The following MAPK10 variants were observed in gnomAD, a reference collection of about 807,000 sequenced individuals.
MAPK10 encodes mitogen-activated protein kinase 10.
Under a neutral mutation model 59.3 loss-of-function variants are expected in MAPK10, and 25 were observed. The ratio of observed to expected loss-of-function variants is 0.42; its 90% CI spans 0.31 to 0.59. MAPK10 has a LOEUF of 0.59. Ranked by LOEUF, MAPK10 falls within the 20% of genes least tolerant of loss-of-function variation. The probability of loss-of-function intolerance (pLI) is 0.15; values close to 1 mark genes in which losing one functional copy is unlikely to be tolerated. For missense variants in MAPK10, 351 were observed against 568.9 expected (o/e 0.62, Z 3.90); for synonymous variants, 190 against 200.5 (o/e 0.95, Z 0.44).
intron 4 of MAPK10, chr4:86,125,785 A>T (rs1444049357): frequency 6.6e-6 from 1 of 152,120 alleles, no homozygotes; most frequent in African/African-American, 2.4e-5. Flanking sequence ...GAAAGAGTTT[A>T]TTGAGTATAT....
intron 1 of MAPK10, among the ~76,000 whole-genome samples, chr4:86,583,838 G>A (rs775692273): frequency 5.9e-5 from 9 of 152,084 alleles, no homozygotes; most frequent in Admixed American, 3.9e-4. Flanking sequence ...TTAAATAAAA[G>A]ATATCTTTTA....
chr4:86,225,950 A>T (rs2090539797), intron 2 of MAPK10, among the ~76,000 whole-genome samples: 1 of 152,242 alleles, frequency 6.6e-6, no homozygotes, highest in Non-Finnish European at 1.5e-5. Flanking sequence ...GCACATTCAT[A>T]TACATTTAGA....
chr4:86,572,038 G>A (rs1251522713), intron 1 of MAPK10, among the ~76,000 whole-genome samples: 2 of 151,860 alleles, frequency 1.3e-5, no homozygotes, highest in Admixed American at 6.6e-5. Flanking sequence ...AGCTTTAAAT[G>A]TATATATGTA....
chr4:86,304,387 CTTTTTTTTTTTTT>C (rs1162506350), intron 2 of MAPK10, among the ~76,000 whole-genome samples: 1 of 112,562 alleles, frequency 8.9e-6, no homozygotes, highest in Non-Finnish European at 1.7e-5. Flanking sequence ...TGGAGTATTT[CTTTTTTTTTTTTT>C]TTTTTTTTTT....
At chr4:86,399,824 TAG>T (rs893013340) in intron 1 of MAPK10, 6 of 152,174 alleles carry the variant, frequency 3.9e-5, no homozygotes, top group Non-Finnish European at 8.8e-5. Context: ...AAGGAGAACA[TAG>T]AGGAGGAAAC....
chr4:86,296,556 T>C (rs2095365466), intron 2 of MAPK10, among the ~76,000 whole-genome samples: 1 of 152,188 alleles, frequency 6.6e-6, no homozygotes, highest in East Asian at 1.9e-4. Flanking sequence ...TAAAAATATG[T>C]ATATAGGAAA....
intron 1 of MAPK10, among the ~76,000 whole-genome samples, chr4:86,554,780 T>C (rs1760126037): frequency 6.6e-6 from 1 of 152,196 alleles, no homozygotes; most frequent in South Asian, 2.1e-4. Flanking sequence ...TTTCCCCTGA[T>C]TTTCCACTAG....
chr4:86,204,870 T>C (rs1306855608), intron 2 of MAPK10, among the ~76,000 whole-genome samples: 1 of 152,038 alleles, frequency 6.6e-6, no homozygotes, highest in African/African-American at 2.4e-5. Context: ...GCTGATCTGA[T>C]ATTGTAGCAC....
chr4:86,338,187 G>A (rs1160008327), intron 2 of MAPK10, among the ~76,000 whole-genome samples: 1 of 152,100 alleles, frequency 6.6e-6, no homozygotes, highest in East Asian at 1.9e-4. Flanking sequence ...CCAGACGCAG[G>A]TTTTTCCCAG....
At chr4:86,546,473 C>A (rs1353477350) in intron 1 of MAPK10, among the ~76,000 whole-genome samples, 1 of 150,340 alleles carries the variant, frequency 6.7e-6, no homozygotes, top group Non-Finnish European at 1.5e-5. Context: ...AGGAGAATTG[C>A]TTGAACCTGG....
At chr4:86,227,656 A>G (rs1406103060) in intron 2 of MAPK10, among the ~76,000 whole-genome samples, 1 of 152,128 alleles carries the variant, frequency 6.6e-6, no homozygotes, top group Non-Finnish European at 1.5e-5. Flanking sequence ...TACTCAAAAT[A>G]ATGGCATTAC....
At chr4:86,498,539 C>G (rs1036049079) in intron 1 of MAPK10, among the ~76,000 whole-genome samples, 1 of 152,152 alleles carries the variant, frequency 6.6e-6, no homozygotes, top group African/African-American at 2.4e-5. Flanking sequence ...CACACAGAAA[C>G]AAAGGAGACT....
chr4:86,220,752 A>G (rs556999170), intron 2 of MAPK10, among the ~76,000 whole-genome samples: 1 of 152,326 alleles, frequency 6.6e-6, no homozygotes, highest in Admixed American at 6.5e-5. Context: ...ATATATTTGT[A>G]TGGCGTTTCT....
At chr4:86,555,562 C>G (rs1217169761) in intron 1 of MAPK10, among the ~76,000 whole-genome samples, 1 of 152,142 alleles carries the variant, frequency 6.6e-6, no homozygotes, top group Non-Finnish European at 1.5e-5. Context: ...TATATCAAGT[C>G]AAGATTCACT....
At chr4:86,190,686 CA>C (rs199819938) in intron 3 of MAPK10, among the ~76,000 whole-genome samples, 2 of 151,766 alleles carry the variant, frequency 1.3e-5, no homozygotes, top group Non-Finnish European at 2.9e-5. Context: ...TTAACCTTTT[CA>C]AAAAAACCAG....
intron 1 of MAPK10, among the ~76,000 whole-genome samples, chr4:86,444,256 C>A (rs1749752533): frequency 6.6e-6 from 1 of 151,828 alleles, no homozygotes; most frequent in South Asian, 2.1e-4. Context: ...GAATAAATGC[C>A]CCAAAACTAC....
At chr4:86,403,650 AG>A (rs2149019448) in intron 1 of MAPK10, among the ~76,000 whole-genome samples, 1 of 152,304 alleles carries the variant, frequency 6.6e-6, no homozygotes, top group African/African-American at 2.4e-5. Context: ...CAGAAGACAA[AG>A]GGGGAGCAAG....
chr4:86,245,014 CTT>C, intron 2 of MAPK10, among the ~76,000 whole-genome samples: 1 of 128,830 alleles, frequency 7.8e-6, no homozygotes, highest in African/African-American at 4.1e-5. Flanking sequence ...CATTTTTCTC[CTT>C]CTTATAAACA....
chr4:86,356,342 G>C (rs993474114), intron 1 of MAPK10: 3 of 161,812 alleles, frequency 1.9e-5, no homozygotes, highest in Non-Finnish European at 3.9e-5. Context: ...AAAAGCCATA[G>C]TGGCTTGATA....
Sources: allele counts gnomAD v4.1 joint callset (sites outside exome capture counted in the v4.1 genomes callset), GRCh38; gene constraint gnomAD v4.1.1; transcripts MANE v1.5; gene names NCBI Gene and HGNC (gene_info 2026-07-23, HGNC 2026-07-21).